The following WDHD1 variants were observed in gnomAD, a reference collection of about 807,000 sequenced individuals.
The protein encoded by WDHD1 is WD repeat and HMG-box DNA-binding protein 1.
A neutral mutation model predicts 135.4 loss-of-function variants in WDHD1; 111 were observed. The ratio of observed to expected loss-of-function variants is 0.82; its 90% CI spans 0.70 to 0.96. The LOEUF is 0.96. Among genes scored for constraint, WDHD1 ranks in the 40% least tolerant of loss-of-function variants. WDHD1 has a pLI of 0.00. For missense variants in WDHD1, 1,351 were observed against 1,336.3 expected (o/e 1.01, Z -0.17); for synonymous variants, 434 against 439.0 (o/e 0.99, Z 0.14).
chr14:54,975,244 T>C (rs1445257944), intron 16 of WDHD1, among the ~76,000 whole-genome samples: 1 of 152,272 alleles, frequency 6.6e-6, no homozygotes, highest in East Asian at 1.9e-4. Flanking sequence ...TATTAACCAG[T>C]AGTGTCATGA....
intron 2 of WDHD1, among the ~76,000 whole-genome samples, chr14:55,023,084 G>C (rs1368531748): frequency 1.3e-5 from 2 of 152,000 alleles, no homozygotes; most frequent in Non-Finnish European, 2.9e-5. Context: ...AAAATGCTGG[G>C]ATTACAGGTG....
At chr14:54,954,521 C>T (rs569697716) in intron 24 of WDHD1, among the ~76,000 whole-genome samples, 1 of 152,310 alleles carries the variant, frequency 6.6e-6, no homozygotes, top group Non-Finnish European at 1.5e-5. Context: ...GTGAGAAATG[C>T]TATTCATATA....
chr14:54,981,213 A>G (rs1209894156), intron 16 of WDHD1, among the ~76,000 whole-genome samples: 1 of 152,110 alleles, frequency 6.6e-6, no homozygotes, highest in Non-Finnish European at 1.5e-5. Context: ...TTTTATTTTC[A>G]CTTTAACTTT....
At chr14:55,018,135 A>C (rs1382272712) in intron 2 of WDHD1, among the ~76,000 whole-genome samples, 1 of 152,174 alleles carries the variant, frequency 6.6e-6, no homozygotes, top group Non-Finnish European at 1.5e-5. Flanking sequence ...ACTCTGTAAA[A>C]CAACCTAAGT....
In WDHD1 at chr14:54,939,232, G is replaced by A. The variant is rs1460289607; in HGVS notation, c.*2258C>T. 1 of 152,204 alleles carries A rather than the reference G, an allele frequency of 6.6e-6. No homozygotes were observed. Among genetic ancestry groups the A allele is most frequent in the Non-Finnish European group, 1.5e-5 (1 of 68,034 alleles). The allele number at this position is 152,204 out of a possible 1,614,324, so 9.4% of individuals were successfully genotyped here. On this transcript the variant is annotated 3_prime_UTR_variant, in exon 26 of 26. Coordinates refer to ENST00000360586, the MANE Select transcript of WDHD1 (RefSeq NM_007086.4). ...GGCCCATAAGACAGTCACTGATTAAGATGCTTTCTACATGGATGGGCCTCA... is the reference window on the plus strand; with the variant it reads ...GGCCCATAAGACAGTCACTGATTAAAATGCTTTCTACATGGATGGGCCTCA...
intron 10 of WDHD1, among the ~76,000 whole-genome samples, chr14:54,997,949 T>C (rs1407650916): frequency 1.3e-5 from 2 of 150,440 alleles, no homozygotes; most frequent in Non-Finnish European, 3.0e-5. Flanking sequence ...CGGTGGCCCA[T>C]GTCTGTAACC....
At chr14:55,004,560 C>T (rs186235778) in intron 7 of WDHD1, among the ~76,000 whole-genome samples, 9 of 152,296 alleles carry the variant, frequency 5.9e-5, no homozygotes, top group Admixed American at 3.9e-4. Flanking sequence ...TCAAGCAATT[C>T]TTATGCCTGA....
chr14:54,951,272 GAGAGA>G lies in WDHD1; in HGVS notation c.3050+4284_3050+4288del, dbSNP rs558386314. Among the ~76,000 whole-genome samples, 1,072 of 151,694 alleles carry G rather than the reference GAGAGA, an allele frequency of 7.1e-3. 13 individuals carry two copies. The highest frequency in any genetic ancestry group is 0.024 in the African/African-American group (1,004 of 41,316). On this transcript the variant is annotated intron_variant, in intron 24 of 25. Coordinates refer to ENST00000360586, the MANE Select transcript of WDHD1 (RefSeq NM_007086.4). ...CTAGCAAGACTAATAAAGAAGAAAA[GAGAGA>G]AGAATCAAATAGATGCAATAAAAAA...
At position 54,967,265 on chromosome 14, in the gene WDHD1, A is replaced by G; in HGVS notation, c.2178+15T>C. The G allele has an allele frequency of 6.3e-7, 1 of 1,590,580 alleles. No homozygotes were observed. The highest frequency in any genetic ancestry group is 2.2e-5 in the East Asian group (1 of 44,538). On this transcript the variant is annotated intron_variant, in intron 17 of 25. Transcript: ENST00000360586. ...ATTATCAAATTCAAAGTGTCAAGGT[A>G]AGACTTCCACATACCTCCATTTGTC... is the stretch of plus-strand genomic sequence containing the variant.
chr14:54,945,359 TC>T (rs1353276918), intron 24 of WDHD1, among the ~76,000 whole-genome samples: 2 of 152,196 alleles, frequency 1.3e-5, no homozygotes, highest in Non-Finnish European at 2.9e-5. Context: ...CAGGCACTAC[TC>T]TAAAAGCTTT....
chr14:54,974,672 A>G (rs1237433725), intron 16 of WDHD1, among the ~76,000 whole-genome samples: 1 of 152,026 alleles, frequency 6.6e-6, no homozygotes, highest in Non-Finnish European at 1.5e-5. Context: ...CTAAAAATAC[A>G]AAAAATTAAC....
At chr14:54,948,083 G>A (rs2040963037) in intron 24 of WDHD1, among the ~76,000 whole-genome samples, 1 of 151,858 alleles carries the variant, frequency 6.6e-6, no homozygotes. Flanking sequence ...GTTCCAAGAT[G>A]GTCGAATAGG....
At chr14:54,943,977 C>T (rs188581292) in intron 25 of WDHD1, among the ~76,000 whole-genome samples, 204 of 152,222 alleles carry the variant, frequency 1.3e-3, no homozygotes, top group African/African-American at 4.7e-3. Flanking sequence ...AAACCCATCA[C>T]CATTACATAA....
chr14:55,026,661 T>C (rs772006065), intron 2 of WDHD1, 50 bp downstream of exon 2: 45 of 1,570,770 alleles, frequency 2.9e-5, no homozygotes, highest in Non-Finnish European at 3.6e-5. Flanking sequence ...AGTTTAAGGA[T>C]AAATGTTTTA....
At chr14:54,983,427 C>T (rs913598817) in intron 15 of WDHD1, among the ~76,000 whole-genome samples, 2 of 151,906 alleles carry the variant, frequency 1.3e-5, no homozygotes. Context: ...AATCCCAGCA[C>T]TTCAGGAGGT....
At position 54,941,708 on chromosome 14, in the gene WDHD1, A is replaced by AGT. The variant is rs2040842133; in HGVS notation, c.3190-20_3190-19dup. On this transcript the variant is annotated intron_variant, in intron 25 of 25. Coordinates refer to ENST00000360586, the MANE Select transcript of WDHD1 (RefSeq NM_007086.4). ...GCCCACACCTTTGTAAAATGGCAGG[A>AGT]GTGAAAAGGAAAGATTTTTAGAAAA... 6.3e-7 allele frequency: 1 copy of AGT among 1,584,216 alleles called. No homozygotes were observed. Among genetic ancestry groups the AGT allele is most frequent in the Non-Finnish European group, 8.6e-7 (1 of 1,168,632 alleles).
At chr14:55,022,748 C>T (rs540335322) in intron 2 of WDHD1, among the ~76,000 whole-genome samples, 2 of 151,738 alleles carry the variant, frequency 1.3e-5, no homozygotes, top group Non-Finnish European at 2.9e-5. Context: ...CAATGATTTT[C>T]GTAATGGTGT....
chr14:54,990,379 C>T (rs1379676878), intron 12 of WDHD1, among the ~76,000 whole-genome samples: 8 of 152,040 alleles, frequency 5.3e-5, no homozygotes, highest in Admixed American at 3.9e-4. Flanking sequence ...AGGCGGATCA[C>T]GAGGTCAGGA....
At chr14:54,990,932 A>G (rs1478696182) in intron 12 of WDHD1, among the ~76,000 whole-genome samples, 2 of 152,200 alleles carry the variant, frequency 1.3e-5, no homozygotes, top group African/African-American at 4.8e-5. Flanking sequence ...GTTTGAAAGT[A>G]TTGCCAAGAA....
Sources: gnomAD v4.1 joint callset for allele counts (sites outside exome capture counted in the v4.1 genomes callset) on GRCh38, gnomAD v4.1.1 for gene constraint, MANE v1.5 for transcripts, NCBI Gene and HGNC (gene_info 2026-07-23, HGNC 2026-07-21) for gene names.